AQP4: variants seen among roughly 807,000 people sequenced by gnomAD.
AQP4 encodes aquaporin-4.
In AQP4, 18 loss-of-function variants were observed where a neutral mutation model predicts 27.8. That is an observed-to-expected ratio of 0.65 (90% CI 0.45 to 0.96). AQP4 has a LOEUF of 0.96. Among genes scored for constraint, AQP4 ranks in the 40% least tolerant of loss-of-function variants. The pLI, the probability that AQP4 is intolerant of heterozygous loss-of-function variation, is 0.00. For synonymous variants in AQP4, 141 were observed against 142.9 expected (o/e 0.99, Z 0.10); for missense variants, 412 against 408.2 (o/e 1.01, Z -0.08).
chr18:26,854,983 T>C lies in AQP4; in HGVS notation c.*1228A>G, dbSNP rs2054816211. On this transcript the variant is annotated 3_prime_UTR_variant, in exon 5 of 5. Transcript: ENST00000383168. ...TACAATATATCCAGAAATGAAAGAT[T>C]GTTCGTCTAGTAAGCTTTGAATACA... 1 of 152,212 alleles carries C rather than the reference T, an allele frequency of 6.6e-6. No individual in the cohort carries two copies. The highest frequency in any genetic ancestry group is 2.4e-5 in the African/African-American group (1 of 41,450). 9.4% of individuals were successfully genotyped at this position (152,212 alleles called of 1,614,324 possible).
intron 4 of AQP4, among the ~76,000 whole-genome samples, chr18:26,858,893 TTACAC>T (rs1166189261): frequency 2.0e-5 from 3 of 152,216 alleles, no homozygotes; most frequent in Non-Finnish European, 1.5e-5. Flanking sequence ...AATAATATCA[TTACAC>T]TATACAAAAA....
Position 26,852,632 on chromosome 18 carries a change from A to T in AQP4, c.*3579T>A. The T allele has an allele frequency of 2.5e-6, 1 of 392,618 alleles. No individual in the cohort carries two copies. Among genetic ancestry groups the T allele is most frequent in the East Asian group, 3.6e-5 (1 of 27,758 alleles). The allele number at this position is 392,618 out of a possible 1,614,324, so 24.3% of individuals were successfully genotyped here. ...CTACTGCTCTTATGGGGCAATCTGT[A>T]GAGTACTAAACTCACAAAATTTGTG... On this transcript the variant is annotated 3_prime_UTR_variant, in exon 5 of 5. Coordinates refer to ENST00000383168, the MANE Select transcript of AQP4 (RefSeq NM_001650.7).
chr18:26,861,915 G>C, intron 2 of AQP4: 1 of 535,402 alleles, frequency 1.9e-6, no homozygotes, highest in Non-Finnish European at 3.4e-6. Context: ...ATAGTAATTG[G>C]AATGGGAGAA....
In AQP4 at chr18:26,863,703, G is replaced by A. The variant is rs1437127442; in HGVS notation, c.33-1107C>T. 2.0e-5 allele frequency among the ~76,000 whole-genome samples: 3 copies of A among 151,710 alleles called. No individual in the cohort carries two copies. In the East Asian group the frequency reaches 5.8e-4, roughly 30 times the overall value. ...GAGCTCGGGAAGTCAGGAAAAGCGG[G>A]TGTGGTTAGGGAAACTGTGGGCCCC... On this transcript the variant is annotated intron_variant, in intron 1 of 4. Coordinates refer to ENST00000383168, the MANE Select transcript of AQP4 (RefSeq NM_001650.7).
At chr18:26,856,627 A>T in intron 4 of AQP4, 138 bp from the exon 5 acceptor site, 1 of 997,758 alleles carries the variant, frequency 1.0e-6, no homozygotes, top group Non-Finnish European at 1.5e-6. Flanking sequence ...ATTGGAGAGG[A>T]AATAAGAAAA....
chr18:26,860,715 C>A, intron 4 of AQP4, 57 bp downstream of exon 4: 1 of 1,452,700 alleles, frequency 6.9e-7, no homozygotes. Flanking sequence ...ATAAAAGAGC[C>A]CCACAGGTAA....
intron 4 of AQP4, among the ~76,000 whole-genome samples, chr18:26,860,526 T>C (rs1456347506): frequency 1.3e-5 from 2 of 152,142 alleles, no homozygotes; most frequent in East Asian, 1.9e-4. Flanking sequence ...AAATAGTGCT[T>C]CAAAAAAGGA....
rs2054811538 is a variant in AQP4, at chr18:26,854,698, G to C, written c.*1513C>G. ...TTGGAACCATGCTTGAGAGAAGACA[G>C]CCCTTGATCATCAGTTATTTACAAG... On this transcript the variant is annotated 3_prime_UTR_variant, in exon 5 of 5. Coordinates refer to ENST00000383168, the MANE Select transcript of AQP4 (RefSeq NM_001650.7). The C allele has an allele frequency of 6.6e-6, 1 of 152,644 alleles. No individual in the cohort carries two copies. The highest frequency in any genetic ancestry group is 2.1e-4 in the South Asian group (1 of 4,832). 9.5% of individuals were successfully genotyped at this position (152,644 alleles called of 1,614,324 possible).
chr18:26,853,765 C>G lies in AQP4; in HGVS notation c.*2446G>C, dbSNP rs1401126707. Reference sequence around the variant, plus strand: ...TCATTAGAAAGGTACAATTTCATTACTTTTTACTGGCAGAGCCTTGAGTGA... The same window carrying G: ...TCATTAGAAAGGTACAATTTCATTAGTTTTTACTGGCAGAGCCTTGAGTGA... On this transcript the variant is annotated 3_prime_UTR_variant, in exon 5 of 5. Transcript: ENST00000383168. 6.6e-6 allele frequency: 1 copy of G among 152,598 alleles called. No homozygotes were observed. The highest frequency in any genetic ancestry group is 2.4e-5 in the African/African-American group (1 of 41,444). The allele number at this position is 152,598 out of a possible 1,614,324, so 9.5% of individuals were successfully genotyped here.
Position 26,856,477 on chromosome 18 carries a change from C to T in AQP4, c.706G>A (p.Gly236Arg). ...GCGAGGACAGCTCCTATGATGGGCCCAACCCAATATATCTAAGGAAAAGAT... is the reference window on the plus strand; with the variant it reads ...GCGAGGACAGCTCCTATGATGGGCCTAACCCAATATATCTAAGGAAAAGAT... ...NWENHWIYWV[G>R]PIIGAVLAGG... Residue 236 changes from glycine (G) to arginine (R), a missense_variant, in exon 5 of 5, where the codon GGG becomes AGG. By Grantham distance (125) the Gly-to-Arg change is moderately radical. Transcript: ENST00000383168. The T allele has an allele frequency of 6.2e-7, 1 of 1,614,132 alleles. No homozygotes were observed. The highest frequency in any genetic ancestry group is 2.2e-5 in the East Asian group (1 of 44,884).
rs755756185 is a variant in AQP4, at chr18:26,856,208, T to TA, written c.*2dup. 12 of 1,614,088 alleles carry TA rather than the reference T, an allele frequency of 7.4e-6. No individual in the cohort carries two copies. The East Asian group carries it at 2.7e-4, about 36-fold the overall frequency. ...CTTGTCTGCTTTCAGTGCGATCTTC[T>TA]AGTCATACTGAAGACAATACCTCTC... On this transcript the variant is annotated 3_prime_UTR_variant, in exon 5 of 5. Transcript: ENST00000383168.
In AQP4 at chr18:26,853,326, T is replaced by A. The variant is rs903882119; in HGVS notation, c.*2885A>T. The A allele has an allele frequency of 6.4e-6, 1 of 155,372 alleles. No individual in the cohort carries two copies. The highest frequency in any genetic ancestry group is 2.4e-5 in the African/African-American group (1 of 41,608). The allele number at this position is 155,372 out of a possible 1,614,324, so 9.6% of individuals were successfully genotyped here. A position where few individuals can be genotyped will look rare whatever the true frequency, so the allele number is the denominator to read the frequency against. On this transcript the variant is annotated 3_prime_UTR_variant, in exon 5 of 5. Transcript: ENST00000383168. ...AATATTTCCTTCCAGTACAAAAGGT[T>A]AAGGCTCTTTGAAGAAAATGTTATC...
Position 26,856,227 on chromosome 18 carries a change from A to G in AQP4, c.956T>C (p.Val319Ala). Residue 319 changes from valine to alanine, a missense_variant, in exon 5 of 5, where the codon GTA becomes GCA. By Grantham distance (64) the Val-to-Ala change is moderately conservative. Transcript: ENST00000383168. ...ATCTTCTAGTCATACTGAAGACAAT[A>G]CCTCTCCAGATTGGTCTTTCCCCTT... ...EKKGKDQSGEVLSSV is the reference protein window; with the variant it reads ...EKKGKDQSGEALSSV The G allele has an allele frequency of 1.2e-6, 2 of 1,614,078 alleles. No homozygotes were observed. The highest frequency in any genetic ancestry group is 1.7e-5 in the Admixed American group (1 of 60,020).
intron 4 of AQP4, among the ~76,000 whole-genome samples, chr18:26,856,732 A>G (rs767018949): frequency 1.6e-4 from 24 of 152,200 alleles, no homozygotes; most frequent in Non-Finnish European, 2.4e-4. Context: ...CTTTTCATTA[A>G]TTATGTTCTT....
intron 1 of AQP4, among the ~76,000 whole-genome samples, chr18:26,864,879 C>T (rs2055029220): frequency 6.6e-6 from 1 of 152,118 alleles, no homozygotes; most frequent in East Asian, 1.9e-4. Flanking sequence ...TCACTTCTGC[C>T]ATTTCCGGAG....
At chr18:26,858,285 AAAAC>A (rs1186525961) in intron 4 of AQP4, among the ~76,000 whole-genome samples, 5 of 152,168 alleles carry the variant, frequency 3.3e-5, no homozygotes, top group Non-Finnish European at 5.9e-5. Context: ...AAAAAAGAAA[AAAAC>A]AAACAAACAA....
rs149529726 is a variant in AQP4 at position 26,856,401 on chromosome 18, C to A, written c.782G>T (p.Arg261Leu). 2.5e-6 allele frequency: 4 copies of A among 1,614,214 alleles called. No homozygotes were observed. Reference sequence around the variant, plus strand: ...AGCTTTGCTGAAGGCTTCTTTAAAACGACGTTTGAATTCAACATCTGGACA... The same window carrying A: ...AGCTTTGCTGAAGGCTTCTTTAAAAAGACGTTTGAATTCAACATCTGGACA... Reference protein sequence around the residue: ...VFCPDVEFKRRFKEAFSKAAQ... With the variant: ...VFCPDVEFKRLFKEAFSKAAQ... The change falls in exon 5 of 5, where the codon CGT (arginine) becomes CTT (leucine). Residue 261 changes from arginine to leucine, a missense_variant. Transcript: ENST00000383168.
In AQP4 at chr18:26,852,351, T is replaced by C. The variant is rs1412383777; in HGVS notation, c.*3860A>G. On this transcript the variant is annotated 3_prime_UTR_variant, in exon 5 of 5. Transcript: ENST00000383168. ...TGTTTTCATAAATTGCATGTTTATT[T>C]AATTAATCCTGAAGAGAACCTAGAA... The C allele has an allele frequency of 6.6e-6, 1 of 152,576 alleles. No individual in the cohort carries two copies. Among genetic ancestry groups the C allele is most frequent in the Non-Finnish European group, 1.5e-5 (1 of 68,322 alleles). 9.5% of individuals were successfully genotyped at this position (152,576 alleles called of 1,614,324 possible). A position where few individuals can be genotyped will look rare whatever the true frequency, so the allele number is the denominator to read the frequency against.
intron 3 of AQP4, 35 bp from the exon 4 acceptor site, chr18:26,860,887 T>C (rs1307644666): frequency 1.3e-6 from 2 of 1,588,124 alleles, no homozygotes; most frequent in Non-Finnish European, 8.6e-7. Flanking sequence ...CAGACATTGC[T>C]GAAACAGGGC....
Sources: gnomAD v4.1 joint callset for allele counts (sites outside exome capture counted in the v4.1 genomes callset) on GRCh38, gnomAD v4.1.1 for gene constraint, MANE v1.5 for transcripts, NCBI Gene and HGNC (gene_info 2026-07-23, HGNC 2026-07-21) for gene names.